TGFBRAP1: variants seen among roughly 807,000 people sequenced by gnomAD.
TGFBRAP1 encodes transforming growth factor-beta receptor-associated protein 1.
A neutral mutation model predicts 83.2 loss-of-function variants in TGFBRAP1; 20 were observed. That is an observed-to-expected ratio of 0.24 (90% CI 0.17 to 0.35). The LOEUF is 0.35. TGFBRAP1 is among the 10% of genes least tolerant of loss of function. TGFBRAP1 has a pLI of 1.00. For missense variants in TGFBRAP1, 950 were observed against 1,099.4 expected (o/e 0.86, Z 1.92); for synonymous variants, 415 against 459.8 (o/e 0.90, Z 1.25).
rs1033621036 is a variant in TGFBRAP1 at position 105,269,045 on chromosome 2, A to G, written c.2406+227T>C. Among the ~76,000 whole-genome samples, 12 of 152,332 alleles carry G rather than the reference A, an allele frequency of 7.9e-5. No individual in the cohort carries two copies. Among genetic ancestry groups the G allele is most frequent in the Non-Finnish European group, 5.9e-5 (4 of 68,022 alleles). On this transcript the variant is annotated intron_variant, in intron 11 of 11. Transcript: ENST00000393359. The surrounding 1 kb of genome is among the most constrained non-coding windows in gnomAD (Gnocchi z 4.1). ...CTCCCTACAGACTCTCTTAATCACCAGCGTCCAAAAGGGGAGAAAAACTAC... is the reference window on the plus strand; with the variant it reads ...CTCCCTACAGACTCTCTTAATCACCGGCGTCCAAAAGGGGAGAAAAACTAC...
intron 1 of TGFBRAP1, among the ~76,000 whole-genome samples, chr2:105,310,625 G>A (rs1678659796): frequency 6.6e-6 from 1 of 152,108 alleles, no homozygotes; most frequent in Non-Finnish European, 1.5e-5. Flanking sequence ...GAGGCCGAGT[G>A]CAGAACTCTT....
intron 4 of TGFBRAP1, among the ~76,000 whole-genome samples, chr2:105,289,568 C>A (rs1257352358): frequency 6.6e-6 from 1 of 152,188 alleles, no homozygotes; most frequent in Admixed American, 6.6e-5. Flanking sequence ...GCATGTTATG[C>A]AGGCTCACTT....
chr2:105,314,692 T>TA (rs1385532672), intron 1 of TGFBRAP1, among the ~76,000 whole-genome samples: 1 of 151,906 alleles, frequency 6.6e-6, no homozygotes, highest in Non-Finnish European at 1.5e-5. Flanking sequence ...CTCATGCCTG[T>TA]AATCCCAGCA....
Position 105,267,372 on chromosome 2 carries a change from G to A in TGFBRAP1, c.*11C>T. The A allele has an allele frequency of 6.2e-7, 1 of 1,613,992 alleles. No individual in the cohort carries two copies. Among genetic ancestry groups the A allele is most frequent in the Non-Finnish European group, 8.5e-7 (1 of 1,179,944 alleles). ...ACTCGGAGTTCCCCTCGCACCCTTG[G>A]GCCAAGCTTTTCAAGTCCGAGTGCC... On this transcript the variant is annotated 3_prime_UTR_variant, in exon 12 of 12. Transcript: ENST00000393359.
intron 1 of TGFBRAP1, among the ~76,000 whole-genome samples, chr2:105,319,267 G>C (rs527737396): frequency 6.6e-6 from 1 of 151,966 alleles, no homozygotes; most frequent in South Asian, 2.1e-4. Context: ...TCACCATGTT[G>C]GTCAGGCTGG....
chr2:105,298,577 T>G lies in TGFBRAP1; in HGVS notation c.817A>C (p.Met273Leu), dbSNP rs1250019546. The G allele has an allele frequency of 6.2e-7, 1 of 1,613,908 alleles. No homozygotes were observed. Among genetic ancestry groups the G allele is most frequent in the African/African-American group, 1.3e-5 (1 of 74,938 alleles). Residue 273 changes from methionine to leucine, a missense_variant, in exon 3 of 12, where the codon ATG becomes CTG. Physicochemically the swap from Met to Leu is conservative, Grantham distance 15. Coordinates refer to ENST00000393359, the MANE Select transcript of TGFBRAP1 (RefSeq NM_004257.6). ...LDDEFITVHSMLDQQQKQTLP... is the reference protein window; with the variant it reads ...LDDEFITVHSLLDQQQKQTLP... Reference sequence around the variant, plus strand: ...GTCTGCTTCTGTTGCTGATCCAACATGCTGTGGACTGTGATGAATTCGTCA... The same window carrying G: ...GTCTGCTTCTGTTGCTGATCCAACAGGCTGTGGACTGTGATGAATTCGTCA...
At chr2:105,256,018 G>A in the TGFBRAP1 span, among the ~76,000 whole-genome samples, 6 of 152,196 alleles carry the variant, frequency 3.9e-5, no homozygotes, top group South Asian at 2.1e-4. Context: ...CATACCTCAC[G>A]TTTTCTATTA....
intron 4 of TGFBRAP1, among the ~76,000 whole-genome samples, chr2:105,293,830 A>G (rs1305568825): frequency 6.6e-6 from 1 of 152,182 alleles, no homozygotes; most frequent in East Asian, 1.9e-4. Flanking sequence ...CCTTGGTATT[A>G]AAAGGGAAGA....
intron 2 of TGFBRAP1, among the ~76,000 whole-genome samples, chr2:105,303,754 C>T (rs186894974): frequency 9.9e-4 from 151 of 152,244 alleles, no homozygotes; most frequent in African/African-American, 3.5e-3. Flanking sequence ...CTTGCCTCCC[C>T]ACAAAACAAG....
In TGFBRAP1 at chr2:105,307,812, C is replaced by A; in HGVS notation, c.490G>T (p.Val164Leu). Residue 164 changes from valine (V) to leucine (L), a missense_variant, in exon 2 of 12, where the codon GTG (valine) becomes TTG (leucine). By Grantham distance (32) the Val-to-Leu change is conservative (BLOSUM62 1). Transcript: ENST00000393359. ...GCGAGGGGCTGCTCGGCAGTCGACACCTCCTTGACGATCTGCACCCGGTCC... is the reference window on the plus strand; with the variant it reads ...GCGAGGGGCTGCTCGGCAGTCGACAACTCCTTGACGATCTGCACCCGGTCC... The part of the protein sequence containing the change: ...YEDRVQIVKE[V>L]STAEQPLAVA... The A allele has an allele frequency of 6.2e-7, 1 of 1,614,158 alleles. No homozygotes were observed. The highest frequency in any genetic ancestry group is 1.3e-5 in the African/African-American group (1 of 75,022).
At chr2:105,293,290 C>T (rs1163871723) in intron 4 of TGFBRAP1, among the ~76,000 whole-genome samples, 2 of 152,130 alleles carry the variant, frequency 1.3e-5, no homozygotes, top group Non-Finnish European at 2.9e-5. Flanking sequence ...GTCTATAAAG[C>T]AAGATGTCCC....
Position 105,307,718 on chromosome 2 carries a change from G to C in TGFBRAP1, c.584C>G (p.Thr195Arg). The C allele has an allele frequency of 1.9e-6, 3 of 1,614,142 alleles. No homozygotes were observed. Among genetic ancestry groups the C allele is most frequent in the Non-Finnish European group, 2.5e-6 (3 of 1,180,030 alleles). ...TTQYIIHNYSTGVSQDLFPYC... is the reference protein window; with the variant it reads ...TTQYIIHNYSRGVSQDLFPYC... Reference sequence around the variant, plus strand: ...GGGAAACAGGTCCTGGGAGACGCCTGTGCTGTAATTGTGGATGATGTACTG... The same window carrying C: ...GGGAAACAGGTCCTGGGAGACGCCTCTGCTGTAATTGTGGATGATGTACTG... Residue 195 changes from threonine to arginine, a missense_variant, in exon 2 of 12, where the codon ACA (threonine) becomes AGA (arginine). Physicochemically the swap from Thr to Arg is moderately conservative, Grantham distance 71 (BLOSUM62 -1). Coordinates refer to ENST00000393359, the MANE Select transcript of TGFBRAP1 (RefSeq NM_004257.6).
At chr2:105,280,188 A>G (rs1677484611) in intron 6 of TGFBRAP1, among the ~76,000 whole-genome samples, 194 bp downstream of exon 6, 1 of 152,182 alleles carries the variant, frequency 6.6e-6, no homozygotes. Flanking sequence ...GGGTCTGCAG[A>G]TGGTGGAGAC....
At chr2:105,267,995 C>A (rs1281142701) in intron 11 of TGFBRAP1, 2 of 614,198 alleles carry the variant, frequency 3.3e-6, no homozygotes, top group Non-Finnish European at 4.1e-6. Context: ...CAAAGTTACA[C>A]AGCTAACAAG....
At chr2:105,256,058 A>G in the TGFBRAP1 span, among the ~76,000 whole-genome samples, 130 of 152,190 alleles carry the variant, frequency 8.5e-4, 1 homozygote, top group Non-Finnish European at 6.2e-4. Context: ...AAAGTATTCT[A>G]TGATGAGCTG....
chr2:105,326,308 T>C (rs1160411945), intron 1 of TGFBRAP1, among the ~76,000 whole-genome samples: 2 of 152,082 alleles, frequency 1.3e-5, no homozygotes, highest in Non-Finnish European at 2.9e-5. Flanking sequence ...CATCAGCAGT[T>C]AGAATTAAAA....
chr2:105,317,906 T>C (rs982053999), intron 1 of TGFBRAP1, among the ~76,000 whole-genome samples: 5 of 152,142 alleles, frequency 3.3e-5, no homozygotes, highest in African/African-American at 1.2e-4. Context: ...CACCTGGAAT[T>C]TGCAAATTAC....
intron 4 of TGFBRAP1, among the ~76,000 whole-genome samples, chr2:105,290,618 T>A (rs1677876715): frequency 1.5e-5 from 2 of 129,336 alleles, no homozygotes; most frequent in Non-Finnish European, 3.3e-5. Context: ...AGAGAGACAG[T>A]GTGTGTGTGT....
intron 1 of TGFBRAP1, among the ~76,000 whole-genome samples, chr2:105,317,926 GA>G (rs1172101331): frequency 6.6e-6 from 1 of 152,162 alleles, no homozygotes; most frequent in African/African-American, 2.4e-5. Flanking sequence ...CACCTATAAT[GA>G]TACTTCATTT....
Sources: gnomAD v4.1 joint callset for allele counts (sites outside exome capture counted in the v4.1 genomes callset) on GRCh38, gnomAD v4.1.1 for gene constraint, Gnocchi (gnomAD v3.1) non-coding constraint, MANE v1.5 for transcripts, NCBI Gene and HGNC (gene_info 2026-07-23, HGNC 2026-07-21) for gene names.